Variants in FSD2 observed in about 807,000 individuals in gnomAD.
FSD2 encodes the protein fibronectin type III and SPRY domain-containing protein 2.
FSD2 carries 71 observed loss-of-function variants against 80.4 expected under a neutral mutation model. That is an observed-to-expected ratio of 0.88 (90% CI 0.73 to 1.08). The LOEUF is 1.08. Ranked by LOEUF, FSD2 falls within the 50% of genes least tolerant of loss-of-function variation. The pLI, the probability that FSD2 is intolerant of heterozygous loss-of-function variation, is 0.00. For synonymous variants in FSD2, 361 were observed against 329.5 expected, an observed-to-expected ratio of 1.10 and a Z score of -1.03; for missense variants, 923 against 913.8, an observed-to-expected ratio of 1.01 and a Z score of -0.13.
intron 6 of FSD2, among the ~76,000 whole-genome samples, chr15:82,778,321 G>C (rs1359354170): frequency 6.6e-6 from 1 of 151,636 alleles, no homozygotes; most frequent in Admixed American, 6.6e-5. Flanking sequence ...ATTTTAAAAA[G>C]TATGTGTGTG....
At chr15:82,782,748 C>T (rs760373409) in intron 4 of FSD2, 47 bp downstream of exon 4, 1 of 1,451,598 alleles carries the variant, frequency 6.9e-7, no homozygotes, top group Non-Finnish European at 9.5e-7. Flanking sequence ...TTTATAATTC[C>T]ATCTCTTTCC....
rs867398213 is a variant in FSD2 at position 82,765,198 on chromosome 15, C to T, written c.1788G>A (p.Arg596=). 1 of 1,606,350 alleles carries T rather than the reference C, an allele frequency of 6.2e-7. No individual in the cohort carries two copies. The highest frequency in any genetic ancestry group is 1.1e-5 in the South Asian group (1 of 90,158). The stretch of plus-strand genomic sequence containing the variant: ...AGTGAGTGTCGCTGGGTGACAGCTC[C>T]CTGGCGGGGGTTCTCCTTTCACTTC... ...AVRSERRTPA[R]ELSPSDTHFT... is the part of the protein sequence containing the mutation. Residue 596 remains arginine (R), a synonymous_variant, in exon 11 of 13, where the codon AGG becomes AGA. Transcript: ENST00000334574.
chr15:82,793,360 G>A (rs189628951), intron 1 of FSD2, among the ~76,000 whole-genome samples: 6 of 151,776 alleles, frequency 4.0e-5, no homozygotes, highest in Admixed American at 6.6e-5. Context: ...AACTTTATCC[G>A]AAAGGAATTC....
intron 6 of FSD2, 68 bp from the exon 7 acceptor site, chr15:82,772,296 C>T (rs957023075): frequency 6.8e-7 from 1 of 1,473,412 alleles, no homozygotes; most frequent in South Asian, 1.2e-5. Context: ...GGCCCCTTTC[C>T]CATGACCATT....
intron 1 of FSD2, among the ~76,000 whole-genome samples, chr15:82,802,812 G>A (rs778058325): frequency 6.6e-5 from 10 of 152,150 alleles, no homozygotes; most frequent in Non-Finnish European, 1.3e-4. Context: ...GAGTTAGTGT[G>A]TTATGGGGCA....
At chr15:82,798,878 G>GTTTTTTT (rs755092933) in intron 1 of FSD2, among the ~76,000 whole-genome samples, 1 of 135,814 alleles carries the variant, frequency 7.4e-6, no homozygotes, top group African/African-American at 2.8e-5. Flanking sequence ...CCACTGTTTT[G>GTTTTTTT]TTTTTTTTTT....
At chr15:82,801,581 A>G (rs971244520) in intron 1 of FSD2, among the ~76,000 whole-genome samples, 3 of 152,160 alleles carry the variant, frequency 2.0e-5, no homozygotes, top group African/African-American at 7.2e-5. Context: ...CACCACACAG[A>G]GAGGTCGACT....
rs771514888 is a variant in FSD2, at chr15:82,772,036, TC to T, written c.1267+36del. 4.0e-6 allele frequency: 6 copies of T among 1,515,814 alleles called. No individual in the cohort carries two copies. In the South Asian group the frequency reaches 8.3e-5, roughly 21 times the overall value. The allele number at this position is 1,515,814 out of a possible 1,614,324, so 93.9% of individuals were successfully genotyped here. On this transcript the variant is annotated intron_variant, in intron 7 of 12. Transcript: ENST00000334574. Reference sequence around the variant, plus strand: ...CAGGCCCCTGAGGGGCCTGAACTGTTCCCATGAGCACGGGCATGTTCCTGGC... The same window carrying T: ...CAGGCCCCTGAGGGGCCTGAACTGTTCCATGAGCACGGGCATGTTCCTGGC...
intron 4 of FSD2, 74 bp from the exon 5 acceptor site, chr15:82,780,341 T>C (rs563123252): frequency 2.2e-4 from 253 of 1,165,102 alleles, no homozygotes; most frequent in African/African-American, 2.0e-3. Flanking sequence ...TTCTTTCTTT[T>C]TTTTTTTTTC....
At chr15:82,773,122 C>G (rs1258979162) in intron 6 of FSD2, among the ~76,000 whole-genome samples, 3 of 152,226 alleles carry the variant, frequency 2.0e-5, no homozygotes, top group Admixed American at 6.5e-5. Flanking sequence ...GCTGGGATTA[C>G]AGGTGTGAGC....
chr15:82,800,098 G>A (rs982343551), intron 1 of FSD2, among the ~76,000 whole-genome samples: 3 of 152,074 alleles, frequency 2.0e-5, no homozygotes, highest in Non-Finnish European at 2.9e-5. Flanking sequence ...CCATGGCCTC[G>A]GGAAGAAGAA....
At chr15:82,767,960 G>A (rs879655957) in intron 9 of FSD2, among the ~76,000 whole-genome samples, 3 of 152,178 alleles carry the variant, frequency 2.0e-5, no homozygotes, top group African/African-American at 4.8e-5. Context: ...GCCTGCCTGG[G>A]TGGTTCATCC....
At position 82,805,130 on chromosome 15, in the gene FSD2, T is replaced by C. The variant is rs184537501; in HGVS notation, c.-79+836A>G. Among the ~76,000 whole-genome samples, 7 of 140,896 alleles carry C rather than the reference T, an allele frequency of 5.0e-5. No individual in the cohort carries two copies. In the East Asian group the frequency reaches 1.4e-3, roughly 28 times the overall value. 92.4% of individuals were successfully genotyped at this position (140,896 alleles called of 152,430 possible). On this transcript the variant is annotated intron_variant, in intron 1 of 12. Coordinates refer to ENST00000334574, the MANE Select transcript of FSD2 (RefSeq NM_001007122.4). The stretch of plus-strand genomic sequence containing the variant: ...TATCCCTGTGCATTACTTAGAAAAG[T>C]CCCCCAATAATTTTTTTTTTTTTTT...
chr15:82,805,124 G>T (rs1010599711), intron 1 of FSD2, among the ~76,000 whole-genome samples: 1 of 145,996 alleles, frequency 6.8e-6, no homozygotes, highest in African/African-American at 2.5e-5. Context: ...GCATTACTTA[G>T]AAAAGTCCCC....
chr15:82,791,030 G>C (rs1299638865), intron 1 of FSD2, among the ~76,000 whole-genome samples: 2 of 151,122 alleles, frequency 1.3e-5, no homozygotes, highest in Non-Finnish European at 3.0e-5. Flanking sequence ...GCGGAGTCTC[G>C]CTTTGTCACC....
intron 4 of FSD2, 30 bp from the exon 5 acceptor site, chr15:82,780,297 T>C: frequency 7.0e-7 from 1 of 1,433,576 alleles, no homozygotes; most frequent in Non-Finnish European, 9.3e-7. Flanking sequence ...AATATTAAGT[T>C]GATTTTGGAA....
At chr15:82,767,318 A>G (rs1171277595) in intron 9 of FSD2, among the ~76,000 whole-genome samples, 3 of 152,182 alleles carry the variant, frequency 2.0e-5, no homozygotes, top group Non-Finnish European at 2.9e-5. Flanking sequence ...ACTGGATGAA[A>G]AAGGGACAGA....
At chr15:82,790,501 G>A (rs2050114577) in intron 1 of FSD2, among the ~76,000 whole-genome samples, 1 of 151,846 alleles carries the variant, frequency 6.6e-6, no homozygotes. Flanking sequence ...ACAGTCGGTT[G>A]GACTCCAAAG....
chr15:82,757,902 TTTTG>T lies in FSD2; in HGVS notation c.*1442_*1445del, dbSNP rs947068913. On this transcript the variant is annotated 3_prime_UTR_variant, in exon 13 of 13. Transcript: ENST00000334574. ...CAGGTGCTGGAAAACATCAGAGGTT[TTTTG>T]TTTGTTTGTTTGTTTGTTTTTGAGA... is the stretch of plus-strand genomic sequence containing the variant. 9.2e-5 allele frequency: 14 copies of T among 152,260 alleles called. No individual in the cohort carries two copies. Among genetic ancestry groups the T allele is most frequent in the South Asian group, 2.1e-4 (1 of 4,832 alleles). 9.4% of individuals were successfully genotyped at this position (152,260 alleles called of 1,614,324 possible). A position where few individuals can be genotyped will look rare whatever the true frequency, so the allele number is the denominator to read the frequency against.
Sources: gnomAD v4.1 joint callset for allele counts (sites outside exome capture counted in the v4.1 genomes callset) on GRCh38, gnomAD v4.1.1 for gene constraint, MANE v1.5 for transcripts, NCBI Gene and HGNC (gene_info 2026-07-23, HGNC 2026-07-21) for gene names.